The following EYA2 variants were observed in gnomAD, a reference collection of about 807,000 sequenced individuals.
EYA2 encodes EYA transcriptional coactivator and phosphatase 2, also known as protein phosphatase EYA2.
A neutral mutation model predicts 69.2 loss-of-function variants in EYA2; 31 were observed. That is an observed-to-expected ratio of 0.45 (90% confidence interval 0.34 to 0.60). EYA2 has a LOEUF of 0.60. EYA2 is among the 20% of genes least tolerant of loss of function. The pLI is 0.02. For synonymous variants in EYA2, 257 were observed against 279.4 expected (o/e 0.92, Z 0.80); for missense variants, 622 against 701.2 (o/e 0.89, Z 1.28).
intron 1 of EYA2, among the ~76,000 whole-genome samples, chr20:46,958,450 G>GAA (rs35984803): frequency 9.3e-5 from 14 of 150,386 alleles, no homozygotes; most frequent in East Asian, 1.9e-4. Context: ...GTGTAATTAT[G>GAA]AAAAAAAAAC....
chr20:47,172,985 C>A, intron 12 of EYA2, 118 bp downstream of exon 12: 1 of 1,113,260 alleles, frequency 9.0e-7, no homozygotes, highest in Non-Finnish European at 1.3e-6. Context: ...TACCAGCCCA[C>A]TTAATGCAAC....
At chr20:47,052,075 C>A (rs758071234) in intron 5 of EYA2, among the ~76,000 whole-genome samples, 1 of 152,126 alleles carries the variant, frequency 6.6e-6, no homozygotes, top group Admixed American at 6.5e-5. Context: ...GAAATTATTT[C>A]TTGAGAGCCT....
chr20:46,934,459 T>A (rs1985819081), intron 1 of EYA2, among the ~76,000 whole-genome samples: 2 of 151,952 alleles, frequency 1.3e-5, no homozygotes, highest in African/African-American at 4.8e-5. Context: ...CTCCCAGAAT[T>A]CAAGGATTGA....
intron 1 of EYA2, among the ~76,000 whole-genome samples, chr20:46,976,490 A>G (rs1445076337): frequency 6.6e-6 from 1 of 152,106 alleles, no homozygotes; most frequent in African/African-American, 2.4e-5. Flanking sequence ...GGTTCACGCC[A>G]TTCTCCTGCC....
intron 10 of EYA2, among the ~76,000 whole-genome samples, chr20:47,166,039 GAAAA>G (rs1014591470): frequency 1.3e-5 from 2 of 151,298 alleles, no homozygotes; most frequent in Non-Finnish European, 2.9e-5. Flanking sequence ...TTCAAAAAAA[GAAAA>G]AAAATGAATG....
chr20:47,032,267 G>A (rs559676189), intron 5 of EYA2, among the ~76,000 whole-genome samples: 1 of 152,316 alleles, frequency 6.6e-6, no homozygotes, highest in East Asian at 1.9e-4. Context: ...CTTTCCCTGG[G>A]CCCGGGGAAC....
intron 1 of EYA2, among the ~76,000 whole-genome samples, chr20:46,932,197 C>T (rs1985699130): frequency 6.6e-6 from 1 of 151,980 alleles, no homozygotes; most frequent in South Asian, 2.1e-4. Context: ...ATTGTGCACC[C>T]CCCATCCCCG....
intron 10 of EYA2, among the ~76,000 whole-genome samples, chr20:47,158,388 G>A (rs775580871): frequency 2.0e-5 from 3 of 151,748 alleles, no homozygotes; most frequent in African/African-American, 2.4e-5. Flanking sequence ...GTGGTGGCAG[G>A]CATTTGTAAT....
At chr20:47,071,100 C>G (rs796721476) in intron 5 of EYA2, among the ~76,000 whole-genome samples, 5 of 152,282 alleles carry the variant, frequency 3.3e-5, no homozygotes, top group African/African-American at 1.2e-4. Flanking sequence ...ACCTCCGCCT[C>G]CCGAGTTCAA....
intron 1 of EYA2, among the ~76,000 whole-genome samples, chr20:46,971,772 A>T (rs556144286): frequency 1.2e-4 from 18 of 152,342 alleles, no homozygotes; most frequent in African/African-American, 3.8e-4. Context: ...AAGAGAATTA[A>T]ATATAAAAAA....
chr20:46,923,457 A>G (rs1985272249), intron 1 of EYA2, among the ~76,000 whole-genome samples: 1 of 152,232 alleles, frequency 6.6e-6, no homozygotes, highest in African/African-American at 2.4e-5. Flanking sequence ...GATTCTAGAT[A>G]GAGGGGGAGA....
intron 1 of EYA2, among the ~76,000 whole-genome samples, chr20:46,913,023 G>A (rs556870704): frequency 2.6e-5 from 4 of 152,288 alleles, no homozygotes; most frequent in African/African-American, 9.6e-5. Context: ...TAAATAGGGT[G>A]GCCACTGTGA....
Position 47,130,265 on chromosome 20 carries a change from T to C in EYA2, c.889-12794T>C, listed in dbSNP as rs1011769356. Among the ~76,000 whole-genome samples the C allele has an allele frequency of 1.1e-4, 13 of 116,876 alleles. 1 individual carries two copies. The East Asian group carries it at 2.1e-3, about 19-fold the overall frequency. The allele number at this position is 116,876 out of a possible 152,430, so 76.7% of individuals were successfully genotyped here. On this transcript the variant is annotated intron_variant, in intron 9 of 15. Transcript: ENST00000327619. ...AAATAAAAGAAGGTTTATTTTCTTT[T>C]TTTTTTTTTTTTTTTTTGAGACAGA...
chr20:47,164,423 C>G lies in EYA2; in HGVS notation c.979-4716C>G, dbSNP rs189333210. On this transcript the variant is annotated intron_variant, in intron 10 of 15. Coordinates refer to ENST00000327619, the MANE Select transcript of EYA2 (RefSeq NM_005244.5). ...AAGCGCATGGAACCCTGCCCAGAGG[C>G]CTGAGCCCGGGTGACCCCAGGAGTG... 3.8e-3 allele frequency among the ~76,000 whole-genome samples: 583 copies of G among 152,330 alleles called. 6 individuals are homozygous for G. Among genetic ancestry groups the G allele is most frequent in the Non-Finnish European group, 6.5e-3 (445 of 68,030 alleles).
intron 7 of EYA2, among the ~76,000 whole-genome samples, chr20:47,088,654 C>T (rs931237624): frequency 2.0e-5 from 3 of 152,162 alleles, no homozygotes; most frequent in African/African-American, 7.2e-5. Context: ...GTGGCGCTAT[C>T]ATAGCTCACT....
chr20:46,922,291 A>G (rs1568668066), intron 1 of EYA2, among the ~76,000 whole-genome samples: 1 of 152,252 alleles, frequency 6.6e-6, no homozygotes. Flanking sequence ...AGTTACACTA[A>G]TGGTAATTTT....
chr20:47,117,122 C>T (rs1415473124), intron 9 of EYA2, among the ~76,000 whole-genome samples: 5 of 151,428 alleles, frequency 3.3e-5, no homozygotes, highest in African/African-American at 9.7e-5. Flanking sequence ...AAGCCATTCT[C>T]CTGCCTCAGC....
rs573674714 is a variant in EYA2, at chr20:47,130,555, G to A, written c.889-12504G>A. On this transcript the variant is annotated intron_variant, in intron 9 of 15. Coordinates refer to ENST00000327619, the MANE Select transcript of EYA2 (RefSeq NM_005244.5). ...GCTGGGATTACAAGCGTGAGCCACC[G>A]CGCCCGGCCGAGAAGGTTTATTTTC... Among the ~76,000 whole-genome samples, 284 of 151,798 alleles carry A rather than the reference G, an allele frequency of 1.9e-3. 3 individuals are homozygous for A. The highest frequency in any genetic ancestry group is 6.5e-3 in the African/African-American group (268 of 41,412).
At chr20:46,982,327 T>C (rs765343684) in intron 1 of EYA2, among the ~76,000 whole-genome samples, 8 of 152,218 alleles carry the variant, frequency 5.3e-5, no homozygotes, top group Non-Finnish European at 8.8e-5. Flanking sequence ...CTCAGTCTTA[T>C]TATACCTTCT....
Sources: gnomAD v4.1 joint callset for allele counts (sites outside exome capture counted in the v4.1 genomes callset) on GRCh38, gnomAD v4.1.1 for gene constraint, MANE v1.5 for transcripts, NCBI Gene and HGNC (gene_info 2026-07-23, HGNC 2026-07-21) for gene names.